Variants in SYNRG observed in about 807,000 individuals in gnomAD.
SYNRG encodes synergin gamma.
A neutral mutation model predicts 130.9 loss-of-function variants in SYNRG; 37 were observed. The observed-to-expected ratio is 0.28, with a 90% CI of 0.22 to 0.37. The LOEUF is 0.37. Ranked by LOEUF, SYNRG falls within the 10% of genes least tolerant of loss-of-function variation. SYNRG has a pLI of 1.00. For synonymous variants in SYNRG, 539 were observed against 568.1 expected, an observed-to-expected ratio of 0.95 and a Z score of 0.73; for missense variants, 1,338 against 1,588.9, an observed-to-expected ratio of 0.84 and a Z score of 2.68.
At chr17:37,551,919 G>A (rs1191939401) in intron 14 of SYNRG, among the ~76,000 whole-genome samples, 1 of 151,040 alleles carries the variant, frequency 6.6e-6, no homozygotes, top group Non-Finnish European at 1.5e-5. Flanking sequence ...AAGGGCACAG[G>A]AGCTCTTCAG....
chr17:37,573,757 T>C (rs370636986), intron 8 of SYNRG, among the ~76,000 whole-genome samples: 96 of 152,130 alleles, frequency 6.3e-4, no homozygotes, highest in African/African-American at 2.1e-3. Flanking sequence ...CATAAAAAAA[T>C]AGAGAAATAT....
intron 19 of SYNRG, among the ~76,000 whole-genome samples, chr17:37,525,794 C>T (rs765210601): frequency 7.2e-5 from 11 of 152,278 alleles, no homozygotes; most frequent in East Asian, 5.8e-4. Flanking sequence ...GGTGAAACCC[C>T]GTCTCTACTA....
chr17:37,562,500 C>T (rs1417508263), intron 11 of SYNRG, among the ~76,000 whole-genome samples: 1 of 152,106 alleles, frequency 6.6e-6, no homozygotes, highest in Non-Finnish European at 1.5e-5. Context: ...TCATTCAATA[C>T]CATGCACAAG....
intron 21 of SYNRG, 136 bp downstream of exon 21, chr17:37,520,040 CATT>C (rs781612703): frequency 3.3e-6 from 3 of 918,060 alleles, no homozygotes; most frequent in Non-Finnish European, 5.2e-6. Flanking sequence ...CTCCATCAAA[CATT>C]ATGGGAACAA....
chr17:37,531,597 C>A (rs993745071), intron 19 of SYNRG, among the ~76,000 whole-genome samples: 5 of 152,000 alleles, frequency 3.3e-5, no homozygotes, highest in African/African-American at 1.2e-4. Flanking sequence ...AGCAACATGG[C>A]AAAACCCTGT....
At chr17:37,555,876 A>G (rs1337260850) in intron 13 of SYNRG, among the ~76,000 whole-genome samples, 1 of 152,202 alleles carries the variant, frequency 6.6e-6, no homozygotes, top group Non-Finnish European at 1.5e-5. Context: ...GCTGCACTCC[A>G]GCCTGGGGGA....
At position 37,585,343 on chromosome 17, in the gene SYNRG, CA is replaced by C; in HGVS notation, c.458del (p.Leu153Ter). On this transcript the variant is annotated frameshift_variant, in exon 5 of 22. Transcript: ENST00000612223. LOFTEE classifies it high-confidence loss of function. ...FEEQKQKLRL[L>X]SSVKPKTGEK... is the part of the protein sequence containing the mutation. ...ATACTACCTTGGGTTTCACACTGCT[CA>C]AAAGTCTGAGCTTTTGCTTCTGCTC... The C allele has an allele frequency of 6.2e-7, 1 of 1,613,866 alleles. No individual in the cohort carries two copies. The highest frequency in any genetic ancestry group is 8.5e-7 in the Non-Finnish European group (1 of 1,179,916).
At chr17:37,580,824 C>T (rs936578296) in intron 6 of SYNRG, among the ~76,000 whole-genome samples, 8 of 151,940 alleles carry the variant, frequency 5.3e-5, no homozygotes, top group African/African-American at 1.5e-4. Flanking sequence ...TGAGTCCCCA[C>T]GCCCAGCCCA....
In SYNRG at chr17:37,561,236, G is replaced by T. The variant is rs2059508837; in HGVS notation, c.1622C>A (p.Ala541Asp). 6.2e-7 allele frequency: 1 copy of T among 1,613,738 alleles called. No individual in the cohort carries two copies. The highest frequency in any genetic ancestry group is 8.5e-7 in the Non-Finnish European group (1 of 1,179,958). ...PPGDPGDKYS[A>D]FRELEQTAEN... ...TGCTGTCTGTTCAAGTTCTCTGAAA[G>T]CACTATATTTATCACCAGGATCTAT... Residue 541 changes from alanine (A) to aspartate (D), a missense_variant, in exon 13 of 22, where the codon GCT becomes GAT. Transcript: ENST00000612223.
intron 19 of SYNRG, among the ~76,000 whole-genome samples, chr17:37,523,376 T>C (rs1034489646): frequency 1.8e-4 from 27 of 152,284 alleles, no homozygotes; most frequent in African/African-American, 6.0e-4. Context: ...CCCAGGCTGG[T>C]CTAGAACTTC....
intron 1 of SYNRG, among the ~76,000 whole-genome samples, chr17:37,607,458 C>T (rs528751090): frequency 9.2e-5 from 14 of 152,206 alleles, no homozygotes; most frequent in Middle Eastern, 6.8e-3. Flanking sequence ...TTAATACCAT[C>T]CAGGGACATT....
intron 19 of SYNRG, among the ~76,000 whole-genome samples, chr17:37,523,140 T>C (rs2055355554): frequency 6.6e-6 from 1 of 152,176 alleles, no homozygotes; most frequent in African/African-American, 2.4e-5. Context: ...TATATGTAAC[T>C]GCAAGTTTAT....
chr17:37,564,347 C>T (rs1208011530), intron 11 of SYNRG, among the ~76,000 whole-genome samples: 3 of 152,186 alleles, frequency 2.0e-5, no homozygotes, highest in Non-Finnish European at 4.4e-5. Context: ...CGAGTCTAGC[C>T]AATTTCTCAG....
intron 8 of SYNRG, among the ~76,000 whole-genome samples, chr17:37,572,383 GACTCTGC>G (rs1568437555): frequency 6.6e-6 from 1 of 151,326 alleles, no homozygotes; most frequent in East Asian, 1.9e-4. Context: ...CTAAGATCAC[GACTCTGC>G]ACTCTGCACT....
At chr17:37,529,216 C>T (rs1274480489) in intron 19 of SYNRG, among the ~76,000 whole-genome samples, 2 of 152,192 alleles carry the variant, frequency 1.3e-5, no homozygotes, top group Admixed American at 6.5e-5. Context: ...GGAGTAAGCG[C>T]CACCGTATGT....
chr17:37,589,405 A>G (rs2061957577), intron 3 of SYNRG, among the ~76,000 whole-genome samples: 1 of 152,260 alleles, frequency 6.6e-6, no homozygotes, highest in Non-Finnish European at 1.5e-5. Flanking sequence ...TCCAAAGCAT[A>G]TAAAGAAATG....
At chr17:37,575,475 A>G (rs114210159) in intron 8 of SYNRG, among the ~76,000 whole-genome samples, 1,610 of 152,220 alleles carry the variant, frequency 0.011, 24 homozygotes, top group African/African-American at 0.037. Flanking sequence ...TTTTTGTTTA[A>G]AGAAGAAAAT....
At chr17:37,572,025 T>C (rs1156667424) in intron 8 of SYNRG, 38 bp from the exon 9 acceptor site, 4 of 1,536,550 alleles carry the variant, frequency 2.6e-6, no homozygotes, top group East Asian at 2.3e-5. Context: ...TGGAAACACA[T>C]TCCAAGTGAT....
At chr17:37,588,258 C>CTT (rs35767898) in intron 3 of SYNRG, among the ~76,000 whole-genome samples, 198 of 103,154 alleles carry the variant, frequency 1.9e-3, no homozygotes, top group Non-Finnish European at 2.5e-3. Context: ...ACTTTAAATT[C>CTT]TTTTTTTTTT....
Sources: allele counts gnomAD v4.1 joint callset (sites outside exome capture counted in the v4.1 genomes callset), GRCh38; gene constraint gnomAD v4.1.1; transcripts MANE v1.5; gene names NCBI Gene and HGNC (gene_info 2026-07-23, HGNC 2026-07-21).